The following ELAPOR2 variants were observed in gnomAD, a reference collection of about 807,000 sequenced individuals.
ELAPOR2 encodes the protein endosome/lysosome-associated apoptosis and autophagy regulator family member 2.
In ELAPOR2, 89 loss-of-function variants were observed where a neutral mutation model predicts 120.7. The ratio of observed to expected loss-of-function variants is 0.74; its 90% CI spans 0.62 to 0.88. ELAPOR2 has a LOEUF of 0.88. ELAPOR2 is among the 40% of genes least tolerant of loss of function. The pLI, the probability that ELAPOR2 is intolerant of heterozygous loss-of-function variation, is 0.00. For missense variants in ELAPOR2, 1,134 were observed against 1,251.6 expected (o/e 0.91, Z 1.42); for synonymous variants, 444 against 444.9 (o/e 1.00, Z 0.03).
At position 86,898,706 on chromosome 7, in the gene ELAPOR2, A is replaced by C. The variant is rs74660177; in HGVS notation, c.2559-1074T>G. Among the ~76,000 whole-genome samples, 631 of 152,276 alleles carry C rather than the reference A, an allele frequency of 4.1e-3. 2 individuals are homozygous for C. The highest frequency in any genetic ancestry group is 7.4e-3 in the Non-Finnish European group (500 of 68,008). On this transcript the variant is annotated intron_variant, in intron 18 of 21. Coordinates refer to ENST00000450689, the MANE Select transcript of ELAPOR2 (RefSeq NM_001142749.3). ...TGCAAAGGAATGAACAGGTATGATT[A>C]ATTGGCAGGAAATTACATGTGGGTC...
intron 1 of ELAPOR2, among the ~76,000 whole-genome samples, chr7:86,969,698 C>T (rs1792040804): frequency 6.6e-6 from 1 of 152,072 alleles, no homozygotes; most frequent in South Asian, 2.1e-4. Flanking sequence ...CAAGTCAGTG[C>T]CCAAGTAAAA....
At position 86,926,871 on chromosome 7, in the gene ELAPOR2, C is replaced by A; in HGVS notation, c.1135G>T (p.Asp379Tyr). 2 of 1,599,178 alleles carry A rather than the reference C, an allele frequency of 1.3e-6. No individual in the cohort carries two copies. Among genetic ancestry groups the A allele is most frequent in the East Asian group, 2.3e-5 (1 of 44,218 alleles). ...GGCAATCTAATAGCATCTGTGAGAT[C>A]CTCCCGGCAGATTTTGGGCTCTATC... ...KWIEPKICRE[D>Y]LTDAIRLPPS... The change falls in exon 9 of 22, where the codon GAT (aspartate) becomes TAT (tyrosine). Residue 379 changes from aspartate (D) to tyrosine (Y), a missense_variant. Around this residue, in one of 3 missense-constraint regions of ELAPOR2, gnomAD observed 831 missense variants for 867.6 expected, o/e 0.96. Transcript: ENST00000450689.
chr7:87,041,312 C>G (rs1168968873), intron 1 of ELAPOR2, among the ~76,000 whole-genome samples: 2 of 152,092 alleles, frequency 1.3e-5, no homozygotes, highest in Non-Finnish European at 2.9e-5. Flanking sequence ...ACATAATTGT[C>G]AGATTCACCA....
At chr7:86,912,484 T>C (rs1789360366) in intron 14 of ELAPOR2, among the ~76,000 whole-genome samples, 1 of 152,206 alleles carries the variant, frequency 6.6e-6, no homozygotes. Flanking sequence ...TTGTTCCTTG[T>C]AGAAAGGTAT....
intron 1 of ELAPOR2, among the ~76,000 whole-genome samples, chr7:87,051,549 C>T (rs1291322654): frequency 6.6e-6 from 1 of 152,190 alleles, no homozygotes; most frequent in East Asian, 1.9e-4. Flanking sequence ...GATCTCACAG[C>T]AATTCTAACA....
intron 1 of ELAPOR2, among the ~76,000 whole-genome samples, chr7:87,023,009 C>T (rs1402309558): frequency 6.6e-6 from 1 of 151,926 alleles, no homozygotes; most frequent in Non-Finnish European, 1.5e-5. Context: ...CAAAAATTTT[C>T]TCCCATTCTG....
chr7:87,020,186 T>G (rs940163255), intron 1 of ELAPOR2, among the ~76,000 whole-genome samples: 1 of 152,154 alleles, frequency 6.6e-6, no homozygotes, highest in South Asian at 2.1e-4. Context: ...CATATGTATA[T>G]GTGTGCATAT....
chr7:87,010,397 A>G (rs1025496915), intron 1 of ELAPOR2, among the ~76,000 whole-genome samples: 3 of 152,234 alleles, frequency 2.0e-5, no homozygotes, highest in Admixed American at 6.5e-5. Flanking sequence ...ATATTAACAC[A>G]GAACTAAAAT....
intron 15 of ELAPOR2, among the ~76,000 whole-genome samples, chr7:86,911,111 C>T (rs1330821743): frequency 4.6e-5 from 7 of 152,024 alleles, no homozygotes; most frequent in Non-Finnish European, 1.0e-4. Flanking sequence ...AGAGGTAGTG[C>T]TAATGTACAA....
chr7:86,965,663 G>T, intron 1 of ELAPOR2: 1 of 273,004 alleles, frequency 3.7e-6, no homozygotes, highest in Non-Finnish European at 5.6e-6. Context: ...TGATTGTTTT[G>T]AAATTCTCAC....
chr7:86,991,588 T>G (rs1792946967), intron 1 of ELAPOR2, among the ~76,000 whole-genome samples: 1 of 152,198 alleles, frequency 6.6e-6, no homozygotes, highest in South Asian at 2.1e-4. Flanking sequence ...TTGAGAAAAT[T>G]TGCCCCAACT....
chr7:87,011,249 C>CA (rs772971682), intron 1 of ELAPOR2, among the ~76,000 whole-genome samples: 796 of 52,448 alleles, frequency 0.015, 19 homozygotes, highest in East Asian at 0.074. Context: ...GACTCCATCT[C>CA]AAAAAAAAAA....
intron 18 of ELAPOR2, among the ~76,000 whole-genome samples, chr7:86,901,616 T>C (rs1788729575): frequency 6.6e-6 from 1 of 152,216 alleles, no homozygotes; most frequent in African/African-American, 2.4e-5. Context: ...ATGTTTCTGA[T>C]CCCTCTGGAT....
At chr7:86,935,711 C>A (rs924783753) in intron 8 of ELAPOR2, among the ~76,000 whole-genome samples, 1 of 151,896 alleles carries the variant, frequency 6.6e-6, no homozygotes, top group African/African-American at 2.4e-5. Flanking sequence ...AGCCACTGCT[C>A]TACATCTATG....
At chr7:87,049,729 T>C (rs914276082) in intron 1 of ELAPOR2, among the ~76,000 whole-genome samples, 1 of 152,162 alleles carries the variant, frequency 6.6e-6, no homozygotes, top group Non-Finnish European at 1.5e-5. Context: ...GAAAGGAGCA[T>C]GCATAACACA....
intron 1 of ELAPOR2, among the ~76,000 whole-genome samples, chr7:87,022,158 C>T (rs916823462): frequency 3.3e-5 from 5 of 151,858 alleles, no homozygotes; most frequent in African/African-American, 9.7e-5. Context: ...ATACATGTGC[C>T]ATGTTGGTGT....
chr7:87,048,059 C>A (rs770881296), intron 1 of ELAPOR2, among the ~76,000 whole-genome samples: 1 of 152,046 alleles, frequency 6.6e-6, no homozygotes, highest in Non-Finnish European at 1.5e-5. Flanking sequence ...TCCTGGCCAA[C>A]GGGGTGAAAC....
chr7:87,059,217 G>A (rs1465779914), intron 1 of ELAPOR2, 108 bp downstream of exon 1: 1 of 1,228,040 alleles, frequency 8.1e-7, no homozygotes, highest in Non-Finnish European at 1.0e-6. Context: ...TGTTCTCCAA[G>A]CAAAGGAAAA....
chr7:86,983,330 T>C (rs1302881585), intron 1 of ELAPOR2, among the ~76,000 whole-genome samples: 2 of 152,012 alleles, frequency 1.3e-5, no homozygotes, highest in South Asian at 4.1e-4. Context: ...TCAGGAAATA[T>C]AGAGAACACC....
Sources: gnomAD v4.1 joint callset for allele counts (sites outside exome capture counted in the v4.1 genomes callset) on GRCh38, gnomAD v4.1.1 for gene constraint, gnomAD v4.1.1 regional missense constraint, MANE v1.5 for transcripts, NCBI Gene and HGNC (gene_info 2026-07-23, HGNC 2026-07-21) for gene names.